Variants in ARL1 observed in about 807,000 individuals in gnomAD.
The protein encoded by ARL1 is ARF like GTPase 1, also known as ADP-ribosylation factor-like protein 1.
Under a neutral mutation model 30.1 loss-of-function variants are expected in ARL1, and 17 were observed. That is an observed-to-expected ratio of 0.56 (90% CI 0.39 to 0.85). The LOEUF is 0.85. Ranked by LOEUF, ARL1 falls within the 40% of genes least tolerant of loss-of-function variation. The pLI, the probability that ARL1 is intolerant of heterozygous loss-of-function variation, is 0.00. For missense variants in ARL1, 102 were observed against 212.6 expected (o/e 0.48, Z 3.24); for synonymous variants, 58 against 71.7 (o/e 0.81, Z 0.97).
rs1229349796 is a variant in ARL1 at position 101,393,926 on chromosome 12, C to T, written c.*1714G>A. 1 of 151,588 alleles carries T rather than the reference C, an allele frequency of 6.6e-6. No individual in the cohort carries two copies. Among genetic ancestry groups the T allele is most frequent in the African/African-American group, 2.4e-5 (1 of 41,238 alleles). The allele number at this position is 151,588 out of a possible 1,614,324, so 9.4% of individuals were successfully genotyped here. On this transcript the variant is annotated 3_prime_UTR_variant, in exon 6 of 6. Transcript: ENST00000261636. ...CTTGTCAAGATGACAAATATCTATC[C>T]TACTGTTTCAACTATGAACATATTC...
chr12:101,396,571 C>A lies in ARL1; in HGVS notation c.343G>T (p.Glu115Ter). The A allele has an allele frequency of 6.2e-7, 1 of 1,608,678 alleles. No homozygotes were observed. ...SELVAMLEEEELRKAILVVFA... is the reference protein window; with the variant it reads ...SELVAMLEEE ...ACCACTAAAATGGCTTTTCTCAGCT[C>A]TTCTTCCTAAATGAAATTGAAAATA... Residue 115 changes from glutamate (E) to a stop codon, truncating the protein, a stop_gained, in exon 5 of 6, where the codon GAG becomes TAG. Transcript: ENST00000261636. LOFTEE classifies it high-confidence loss of function.
chr12:101,400,200 T>C (rs11110780), intron 4 of ARL1: 28,485 of 151,838 alleles, frequency 0.19, 4,608 homozygotes, highest in East Asian at 0.47. Flanking sequence ...CCCAAAGTGC[T>C]GGGATTACAG....
At chr12:101,405,675 G>A (rs918410307) in intron 2 of ARL1, 169 bp downstream of exon 2, 3 of 530,388 alleles carry the variant, frequency 5.7e-6, no homozygotes, top group Non-Finnish European at 2.9e-6. Flanking sequence ...CAGCACTTTG[G>A]GAGGCCAAGG....
intron 3 of ARL1, among the ~76,000 whole-genome samples, chr12:101,402,572 G>C (rs1463437708): frequency 1.3e-5 from 2 of 152,228 alleles, no homozygotes; most frequent in South Asian, 4.1e-4. Flanking sequence ...TCAGAGAGGA[G>C]AGACTGACAA....
intron 1 of ARL1, 54 bp from the exon 2 acceptor site, chr12:101,406,035 T>A: frequency 7.1e-7 from 1 of 1,404,144 alleles, no homozygotes; most frequent in Non-Finnish European, 9.7e-7. Context: ...GAACTAGGTA[T>A]ACAAAACATC....
chr12:101,400,300 C>T (rs1871268921), intron 4 of ARL1: 3 of 147,228 alleles, frequency 2.0e-5, no homozygotes, highest in African/African-American at 7.6e-5. Flanking sequence ...CCTGTAATCC[C>T]AACACTAGGA....
intron 1 of ARL1, chr12:101,407,277 C>A: frequency 3.4e-6 from 1 of 294,090 alleles, no homozygotes; most frequent in Non-Finnish European, 6.2e-6. Context: ...CCTCGGCGAA[C>A]CTGCGACTGA....
At chr12:101,402,361 G>T (rs1593466632) in intron 3 of ARL1, among the ~76,000 whole-genome samples, 4 of 152,060 alleles carry the variant, frequency 2.6e-5, no homozygotes, top group Admixed American at 2.6e-4. Context: ...GCTAATTTTT[G>T]TATTTTTAGT....
intron 1 of ARL1, chr12:101,407,351 T>C: frequency 2.6e-6 from 1 of 386,218 alleles, no homozygotes; most frequent in Non-Finnish European, 4.6e-6. Context: ...GAGGGAAAAC[T>C]TCATGATAAG....
At chr12:101,399,509 TAAAAAAA>T (rs200979843) in intron 4 of ARL1, among the ~76,000 whole-genome samples, 1,366 of 110,396 alleles carry the variant, frequency 0.012, 26 homozygotes, top group African/African-American at 0.059. Context: ...AGACTCTGTC[TAAAAAAA>T]AAAAAAAAAA....
intron 2 of ARL1, among the ~76,000 whole-genome samples, chr12:101,405,061 G>A (rs1871402235): frequency 6.6e-6 from 1 of 152,050 alleles, no homozygotes; most frequent in Non-Finnish European, 1.5e-5. Flanking sequence ...AGTAGAGATG[G>A]GGTTTCTCCA....
chr12:101,407,676 T>G lies in ARL1; in HGVS notation c.-31A>C, dbSNP rs1421683641. ...ACCCCCTGTCCTCCCTCGCCGATCT[T>G]CAGTGATTCCTTGGCCTTCGGCTGC... On this transcript the variant is annotated 5_prime_UTR_variant, in exon 1 of 6. Coordinates refer to ENST00000261636, the MANE Select transcript of ARL1 (RefSeq NM_001177.6). The G allele has an allele frequency of 6.2e-7, 1 of 1,612,360 alleles. No individual in the cohort carries two copies. Among genetic ancestry groups the G allele is most frequent in the Non-Finnish European group, 8.5e-7 (1 of 1,179,748 alleles).
intron 4 of ARL1, among the ~76,000 whole-genome samples, chr12:101,398,301 C>T (rs1342071745): frequency 6.6e-6 from 1 of 150,528 alleles, no homozygotes; most frequent in African/African-American, 2.4e-5. Flanking sequence ...GAGGCTGAGG[C>T]AGGAGAATTG....
rs1490274396 is a variant in ARL1 at position 101,395,344 on chromosome 12, G to A, written c.*296C>T. The A allele has an allele frequency of 6.5e-6, 2 of 305,554 alleles. No individual in the cohort carries two copies. Among genetic ancestry groups the A allele is most frequent in the Non-Finnish European group, 1.2e-5 (2 of 167,828 alleles). The allele number at this position is 305,554 out of a possible 1,614,324, so 18.9% of individuals were successfully genotyped here. A position where few individuals can be genotyped will look rare whatever the true frequency, so the allele number is the denominator to read the frequency against. On this transcript the variant is annotated 3_prime_UTR_variant, in exon 6 of 6. Coordinates refer to ENST00000261636, the MANE Select transcript of ARL1 (RefSeq NM_001177.6). ...AATAGGTTTTTTTCATCCAATAGGA[G>A]TATACTCTTTAATAGAACTGTATTT...
At chr12:101,406,045 C>G (rs1008546325) in intron 1 of ARL1, 64 bp from the exon 2 acceptor site, 49 of 1,331,448 alleles carry the variant, frequency 3.7e-5, no homozygotes, top group Non-Finnish European at 4.6e-5. Context: ...TACAAAACAT[C>G]TAACCTTGTC....
At chr12:101,406,870 C>T (rs1213977276) in intron 1 of ARL1, 1 of 152,156 alleles carries the variant, frequency 6.6e-6, no homozygotes, top group African/African-American at 2.4e-5. Flanking sequence ...GCCTGTGATG[C>T]TTGGGAGCAA....
chr12:101,402,351 G>A (rs1206103342), intron 3 of ARL1, among the ~76,000 whole-genome samples: 1 of 152,106 alleles, frequency 6.6e-6, no homozygotes, highest in African/African-American at 2.4e-5. Flanking sequence ...ACCATGCCCA[G>A]CTAATTTTTG....
At position 101,394,678 on chromosome 12, in the gene ARL1, AT is replaced by A. The variant is rs1253431948; in HGVS notation, c.*961del. On this transcript the variant is annotated 3_prime_UTR_variant, in exon 6 of 6. Transcript: ENST00000261636. ...TTCTCTTTAATGTGTTATGAATTCT[AT>A]CAAATATAACCATTTAGGATTATTT... 2 of 152,244 alleles carry A rather than the reference AT, an allele frequency of 1.3e-5. No homozygotes were observed. Among genetic ancestry groups the A allele is most frequent in the African/African-American group, 4.8e-5 (2 of 41,470 alleles). The allele number at this position is 152,244 out of a possible 1,614,324, so 9.4% of individuals were successfully genotyped here. A position where few individuals can be genotyped will look rare whatever the true frequency, so the allele number is the denominator to read the frequency against.
In ARL1 at chr12:101,394,072, A is replaced by G. The variant is rs1871083704; in HGVS notation, c.*1568T>C. On this transcript the variant is annotated 3_prime_UTR_variant, in exon 6 of 6. Transcript: ENST00000261636. ...TTTGTAGCTGAAGGAAAATCTCCAA[A>G]AAAGATTTCAAAGAGACTAAAGTAG... The G allele has an allele frequency of 6.6e-6, 1 of 151,982 alleles. No homozygotes were observed. The highest frequency in any genetic ancestry group is 2.4e-5 in the African/African-American group (1 of 41,368). 9.4% of individuals were successfully genotyped at this position (151,982 alleles called of 1,614,324 possible). A position where few individuals can be genotyped will look rare whatever the true frequency, so the allele number is the denominator to read the frequency against.
Sources: gnomAD v4.1 joint callset for allele counts (sites outside exome capture counted in the v4.1 genomes callset) on GRCh38, gnomAD v4.1.1 for gene constraint, MANE v1.5 for transcripts, NCBI Gene and HGNC (gene_info 2026-07-23, HGNC 2026-07-21) for gene names.